Variants in CFAP299 observed in about 807,000 individuals in gnomAD.
CFAP299 encodes the protein cilia and flagella associated protein 299, also known as cilia- and flagella-associated protein 299.
Under a neutral mutation model 27.0 loss-of-function variants are expected in CFAP299, and 21 were observed. That is an observed-to-expected ratio of 0.78 (90% CI 0.55 to 1.12). CFAP299 has a LOEUF of 1.12. Ranked by LOEUF, CFAP299 falls within the 50% of genes most tolerant of loss-of-function variation. CFAP299 has a pLI of 0.00. For synonymous variants in CFAP299, 104 were observed against 98.1 expected (o/e 1.06, Z -0.36); for missense variants, 310 against 276.6 (o/e 1.12, Z -0.86).
At chr4:80,732,070 GAC>G (rs76562370) in intron 3 of CFAP299, among the ~76,000 whole-genome samples, 2,645 of 109,990 alleles carry the variant, frequency 0.024, 36 homozygotes, top group African/African-American at 0.065. Context: ...CAGACACACA[GAC>G]ACACACACAC....
intron 3 of CFAP299, among the ~76,000 whole-genome samples, chr4:80,736,707 T>C (rs961175234): frequency 2.0e-4 from 30 of 152,330 alleles, no homozygotes; most frequent in Non-Finnish European, 3.7e-4. Flanking sequence ...ACTTTTACAC[T>C]GTTGGTGGGA....
chr4:80,803,655 G>C (rs948865551), intron 3 of CFAP299, among the ~76,000 whole-genome samples: 34 of 150,966 alleles, frequency 2.3e-4, no homozygotes, highest in African/African-American at 6.8e-4. Flanking sequence ...TATTCAAAAA[G>C]AAGAATAAAA....
At chr4:80,589,444 A>T (rs1178956129) in intron 3 of CFAP299, among the ~76,000 whole-genome samples, 2 of 152,230 alleles carry the variant, frequency 1.3e-5, no homozygotes, top group African/African-American at 4.8e-5. Context: ...AAAATGCTAA[A>T]ATCACAAACC....
At chr4:80,685,825 C>A (rs1207105023) in intron 3 of CFAP299, among the ~76,000 whole-genome samples, 1 of 152,082 alleles carries the variant, frequency 6.6e-6, no homozygotes, top group East Asian at 1.9e-4. Flanking sequence ...TTGAAGGTCC[C>A]CATGGACCAG....
At chr4:80,829,801 A>T (rs560280541) in intron 3 of CFAP299, among the ~76,000 whole-genome samples, 44 of 152,208 alleles carry the variant, frequency 2.9e-4, no homozygotes, top group African/African-American at 9.9e-4. Context: ...TACGGACATT[A>T]TGCTAAGTGA....
At chr4:80,745,657 T>C (rs1724542671) in intron 3 of CFAP299, among the ~76,000 whole-genome samples, 1 of 152,082 alleles carries the variant, frequency 6.6e-6, no homozygotes, top group African/African-American at 2.4e-5. Flanking sequence ...ATGATACATT[T>C]GTCAGAATAA....
At position 80,847,607 on chromosome 4, in the gene CFAP299, G is replaced by A. The variant is rs565547366; in HGVS notation, c.334-22386G>A. Among the ~76,000 whole-genome samples, 27 of 152,292 alleles carry A rather than the reference G, an allele frequency of 1.8e-4. 1 individual carries two copies. Among genetic ancestry groups the A allele is most frequent in the Admixed American group, 1.4e-3 (22 of 15,306 alleles). On this transcript the variant is annotated intron_variant, in intron 3 of 5. Transcript: ENST00000358105. Reference sequence around the variant, plus strand: ...GAAATCTGACTGATGCACTAACTACGTGACCCTAGGCCAGGTACTTAACCT... The same window carrying A: ...GAAATCTGACTGATGCACTAACTACATGACCCTAGGCCAGGTACTTAACCT...
intron 4 of CFAP299, among the ~76,000 whole-genome samples, chr4:80,915,525 G>T (rs1735699387): frequency 6.6e-6 from 1 of 151,870 alleles, no homozygotes; most frequent in Admixed American, 6.6e-5. Context: ...GCTTCTAACA[G>T]CTGTGAGTTT....
intron 3 of CFAP299, among the ~76,000 whole-genome samples, chr4:80,856,522 T>C (rs1271198997): frequency 1.3e-5 from 2 of 151,898 alleles, no homozygotes; most frequent in Admixed American, 1.3e-4. Context: ...TCTTCTAGGG[T>C]TTTTATGGTT....
intron 3 of CFAP299, among the ~76,000 whole-genome samples, chr4:80,869,659 G>A (rs746986499): frequency 4.6e-5 from 7 of 152,162 alleles, no homozygotes; most frequent in Non-Finnish European, 8.8e-5. Context: ...GATTATAGGC[G>A]CCCTCCACCA....
chr4:80,331,618 C>T (rs1190542045), upstream of CFAP299, among the ~76,000 whole-genome samples: 2 of 152,178 alleles, frequency 1.3e-5, no homozygotes, highest in Non-Finnish European at 2.9e-5. Flanking sequence ...AGGTTCAAGA[C>T]TGTCTTCCAT....
chr4:80,387,052 A>G lies in CFAP299; in HGVS notation c.242+24168A>G, dbSNP rs955851924. 9.3e-6 allele frequency: 13 copies of G among 1,403,336 alleles called. No individual in the cohort carries two copies. In the African/African-American group the frequency reaches 1.7e-4, roughly 18 times the overall value. The allele number at this position is 1,403,336 out of a possible 1,614,324, so 86.9% of individuals were successfully genotyped here. ...CGTTCACAAGGAAACACCTTCTAGC[A>G]GTGTGGGCAGGGGAAGTTGTGAGTG... On this transcript the variant is annotated intron_variant, in intron 2 of 5. Transcript: ENST00000358105.
At chr4:80,505,961 CTCTGTT>C (rs1732010758) in intron 2 of CFAP299, among the ~76,000 whole-genome samples, 1 of 151,342 alleles carries the variant, frequency 6.6e-6, no homozygotes, top group Non-Finnish European at 1.5e-5. Flanking sequence ...CACAGAGAGA[CTCTGTT>C]TCTAATGTGT....
At chr4:80,387,558 C>T (rs1725084066) in intron 2 of CFAP299, 1 of 951,370 alleles carries the variant, frequency 1.1e-6, no homozygotes, top group Non-Finnish European at 1.7e-6. Flanking sequence ...CCTCATCCTC[C>T]TGCCTACTGG....
chr4:80,419,775 C>T (rs1263085111), intron 2 of CFAP299, among the ~76,000 whole-genome samples: 1 of 152,074 alleles, frequency 6.6e-6, no homozygotes, highest in Non-Finnish European at 1.5e-5. Context: ...TTTGGGTAAC[C>T]TCTATACTGT....
intron 3 of CFAP299, among the ~76,000 whole-genome samples, chr4:80,830,934 A>G (rs1474594097): frequency 6.6e-6 from 1 of 152,140 alleles, no homozygotes; most frequent in Non-Finnish European, 1.5e-5. Flanking sequence ...CACTTTACAT[A>G]CATCATCTCA....
At chr4:80,734,571 G>T in intron 3 of CFAP299, among the ~76,000 whole-genome samples, 1 of 152,046 alleles carries the variant, frequency 6.6e-6, no homozygotes, top group East Asian at 1.9e-4. Flanking sequence ...TTTCCCCAGT[G>T]TTTTATGTAG....
intron 2 of CFAP299, among the ~76,000 whole-genome samples, chr4:80,449,082 G>A (rs981489149): frequency 3.3e-5 from 5 of 152,034 alleles, no homozygotes; most frequent in Non-Finnish European, 5.9e-5. Flanking sequence ...ATACTTTTGC[G>A]GATGGTCTTG....
intron 2 of CFAP299, among the ~76,000 whole-genome samples, chr4:80,576,768 G>A (rs935010244): frequency 2.6e-5 from 4 of 152,102 alleles, no homozygotes; most frequent in African/African-American, 9.7e-5. Flanking sequence ...AGGAACTAAG[G>A]CACAGAGAGG....
Sources: gnomAD v4.1 joint callset for allele counts (sites outside exome capture counted in the v4.1 genomes callset) on GRCh38, gnomAD v4.1.1 for gene constraint, MANE v1.5 for transcripts, NCBI Gene and HGNC (gene_info 2026-07-23, HGNC 2026-07-21) for gene names.